Variants in HMBOX1 observed in about 807,000 individuals in gnomAD.
The protein encoded by HMBOX1 is homeobox-containing protein 1.
HMBOX1 carries 14 observed loss-of-function variants against 54.5 expected under a neutral mutation model. The observed-to-expected ratio is 0.26, with a 90% CI of 0.17 to 0.40. The LOEUF is 0.40. Ranked by LOEUF, HMBOX1 falls within the 10% of genes least tolerant of loss-of-function variation. The pLI is 1.00. For synonymous variants in HMBOX1, 160 were observed against 181.0 expected, an observed-to-expected ratio of 0.88 and a Z score of 0.93; for missense variants, 332 against 514.4, an observed-to-expected ratio of 0.65 and a Z score of 3.43.
intron 5 of HMBOX1, 64 bp downstream of exon 5, chr8:29,009,246 T>A (rs1833889140): frequency 1.5e-6 from 2 of 1,310,454 alleles, no homozygotes; most frequent in South Asian, 1.2e-5. Flanking sequence ...ATTACTTTAA[T>A]GACTCCATGT....
rs557829249 is a variant in HMBOX1, at chr8:29,033,041, A to G, written c.852-12320A>G. ...GAACATTATATCATTCTCATCCATT[A>G]AAAAAACATTTTGTGGGAGCAGAGT... On this transcript the variant is annotated intron_variant, in intron 6 of 9. Transcript: ENST00000287701. Among the ~76,000 whole-genome samples, 15 of 152,236 alleles carry G rather than the reference A, an allele frequency of 9.9e-5. No individual in the cohort carries two copies. The East Asian group carries it at 2.9e-3, about 29-fold the overall frequency.
intron 1 of HMBOX1, among the ~76,000 whole-genome samples, chr8:28,951,866 T>G (rs1823473345): frequency 6.6e-6 from 1 of 152,084 alleles, no homozygotes; most frequent in Non-Finnish European, 1.5e-5. Flanking sequence ...AAGAAGGCAG[T>G]CAAGATAATA....
chr8:29,017,575 G>A (rs1240461278), intron 5 of HMBOX1, among the ~76,000 whole-genome samples: 1 of 152,202 alleles, frequency 6.6e-6, no homozygotes, highest in South Asian at 2.1e-4. Flanking sequence ...GTTATGTATA[G>A]GTGGGATAAT....
chr8:29,013,283 G>A (rs759288175), intron 5 of HMBOX1, among the ~76,000 whole-genome samples: 2 of 152,112 alleles, frequency 1.3e-5, no homozygotes, highest in Non-Finnish European at 2.9e-5. Flanking sequence ...TTACAGGCAC[G>A]TGCCGCCACG....
intron 4 of HMBOX1, 57 bp from the exon 5 acceptor site, chr8:29,009,015 T>C: frequency 1.5e-6 from 2 of 1,365,526 alleles, no homozygotes; most frequent in Non-Finnish European, 2.1e-6. Flanking sequence ...AAAAGATCCT[T>C]TATTAATTTC....
At chr8:28,973,803 GTTTTTTTTTTTTTT>G (rs71222583) in intron 3 of HMBOX1, among the ~76,000 whole-genome samples, 22 of 72,658 alleles carry the variant, frequency 3.0e-4, no homozygotes, top group African/African-American at 6.2e-4. Flanking sequence ...ACATAATGGA[GTTTTTTTTTTTTTT>G]TTTTTTTTTT....
chr8:28,905,760 T>A (rs1310186847), intron 1 of HMBOX1, among the ~76,000 whole-genome samples: 1 of 152,258 alleles, frequency 6.6e-6, no homozygotes. Context: ...ACTTCCATGA[T>A]GTCTGCTGTA....
At chr8:28,992,596 C>T (rs1282571336) in intron 4 of HMBOX1, among the ~76,000 whole-genome samples, 3 of 151,948 alleles carry the variant, frequency 2.0e-5, no homozygotes, top group Non-Finnish European at 4.4e-5. Context: ...GCTGGCTGGG[C>T]GCGGTGGCTC....
At chr8:28,963,381 A>G (rs953880215) in intron 1 of HMBOX1, among the ~76,000 whole-genome samples, 1 of 152,234 alleles carries the variant, frequency 6.6e-6, no homozygotes, top group African/African-American at 2.4e-5. Flanking sequence ...TTTACCTTGT[A>G]CATTTTGCAT....
chr8:28,926,710 A>G (rs1037292119), intron 1 of HMBOX1, among the ~76,000 whole-genome samples: 6 of 152,120 alleles, frequency 3.9e-5, no homozygotes, highest in Admixed American at 1.3e-4. Context: ...TAGGACTACA[A>G]GTGTATACCA....
intron 5 of HMBOX1, among the ~76,000 whole-genome samples, chr8:29,012,718 T>C (rs977823441): frequency 1.3e-5 from 2 of 152,208 alleles, no homozygotes; most frequent in Non-Finnish European, 2.9e-5. Flanking sequence ...TTGTATTATA[T>C]ATTTGAAAAA....
intron 1 of HMBOX1, among the ~76,000 whole-genome samples, chr8:28,945,962 T>G (rs997139186): frequency 2.0e-5 from 3 of 149,938 alleles, no homozygotes; most frequent in African/African-American, 7.4e-5. Flanking sequence ...TTTTTTTTTT[T>G]CCTTTATTGA....
At chr8:28,909,597 C>T (rs1815018105) in intron 1 of HMBOX1, among the ~76,000 whole-genome samples, 1 of 152,142 alleles carries the variant, frequency 6.6e-6, no homozygotes. Context: ...CATTGCTAAG[C>T]TGAAGAGTTG....
chr8:28,970,029 C>T lies in HMBOX1; in HGVS notation c.24-14C>T. ...TGTCAATAAAGAGACTTCTTTTTAT[C>T]TCTTTTTTTTTAGTTTGCTGGAAAC... On this transcript the variant is annotated splice_polypyrimidine_tract_variant and intron_variant, in intron 2 of 9. Coordinates refer to ENST00000287701, the MANE Select transcript of HMBOX1 (RefSeq NM_001135726.3). This position sits in a 1 kb window ranked among gnomAD's most constrained non-coding sequence, Gnocchi z 4.3. The T allele has an allele frequency of 6.6e-7, 1 of 1,506,918 alleles. No individual in the cohort carries two copies. Among genetic ancestry groups the T allele is most frequent in the Non-Finnish European group, 9.2e-7 (1 of 1,091,158 alleles). The allele number at this position is 1,506,918 out of a possible 1,614,324, so 93.3% of individuals were successfully genotyped here.
intron 4 of HMBOX1, among the ~76,000 whole-genome samples, chr8:28,999,618 C>G (rs537314821): frequency 1.3e-5 from 2 of 152,082 alleles, no homozygotes; most frequent in Admixed American, 1.3e-4. Context: ...ATCCATTGAC[C>G]TGTCTTCAAG....
chr8:28,976,147 A>G (rs578146311), intron 3 of HMBOX1, among the ~76,000 whole-genome samples: 2 of 152,350 alleles, frequency 1.3e-5, no homozygotes, highest in South Asian at 4.1e-4. Context: ...ATGCTACCTT[A>G]AAGTACCTGG....
intron 2 of HMBOX1, 102 bp downstream of exon 2, chr8:28,963,992 A>C (rs1826037229): frequency 1.1e-6 from 1 of 873,872 alleles, no homozygotes; most frequent in Non-Finnish European, 1.8e-6. Flanking sequence ...ACGTTTGTAG[A>C]GTTGAAAAGC....
chr8:29,029,247 C>G (rs917444893), intron 6 of HMBOX1, among the ~76,000 whole-genome samples: 8 of 152,054 alleles, frequency 5.3e-5, no homozygotes, highest in African/African-American at 1.9e-4. Flanking sequence ...GTATAATGTT[C>G]CAATATTTAT....
intron 3 of HMBOX1, among the ~76,000 whole-genome samples, chr8:28,974,524 T>G (rs1268060400): frequency 6.6e-6 from 1 of 152,190 alleles, no homozygotes; most frequent in Non-Finnish European, 1.5e-5. Flanking sequence ...GTACTAAATT[T>G]TATGATATGT....
Sources: gnomAD v4.1 joint callset for allele counts (sites outside exome capture counted in the v4.1 genomes callset) on GRCh38, gnomAD v4.1.1 for gene constraint, Gnocchi (gnomAD v3.1) non-coding constraint, MANE v1.5 for transcripts, NCBI Gene and HGNC (gene_info 2026-07-23, HGNC 2026-07-21) for gene names.